The following DNAAF9 variants were observed in gnomAD, a reference collection of about 807,000 sequenced individuals.
DNAAF9 encodes the protein shulin.
A neutral mutation model predicts 167.0 loss-of-function variants in DNAAF9; 90 were observed. The ratio of observed to expected loss-of-function variants is 0.54; its 90% CI spans 0.45 to 0.64. DNAAF9 has a LOEUF of 0.64. Ranked by LOEUF, DNAAF9 falls within the 30% of genes least tolerant of loss-of-function variation. The pLI, the probability that DNAAF9 is intolerant of heterozygous loss-of-function variation, is 0.00. For missense variants in DNAAF9, 1,315 were observed against 1,442.2 expected (o/e 0.91, Z 1.43); for synonymous variants, 491 against 508.8 (o/e 0.96, Z 0.47).
chr20:3,278,443 A>G (rs529411009), intron 29 of DNAAF9, among the ~76,000 whole-genome samples: 19 of 152,318 alleles, frequency 1.2e-4, no homozygotes, highest in African/African-American at 4.3e-4. Flanking sequence ...AGCTCAGGCC[A>G]GGCGCCGTGG....
At chr20:3,253,685 T>C (rs1314919453) in intron 36 of DNAAF9, 41 bp downstream of exon 36, 2 of 1,231,280 alleles carry the variant, frequency 1.6e-6, no homozygotes, top group Non-Finnish European at 1.2e-6. Context: ...CCAGCCTCAC[T>C]GCCCGGGTTC....
At chr20:3,289,750 G>C (rs751309488) in intron 26 of DNAAF9, among the ~76,000 whole-genome samples, 2 of 152,052 alleles carry the variant, frequency 1.3e-5, no homozygotes, top group Admixed American at 6.5e-5. Flanking sequence ...GGTCTCAGGC[G>C]ATCTACCCAC....
chr20:3,259,338 C>A, intron 33 of DNAAF9, 142 bp downstream of exon 33: 1 of 686,420 alleles, frequency 1.5e-6, no homozygotes, highest in Non-Finnish European at 2.7e-6. Flanking sequence ...AGCCTGATGG[C>A]GTGAAGGCCC....
intron 18 of DNAAF9, chr20:3,316,002 G>A (rs1182650374): frequency 3.4e-6 from 2 of 590,532 alleles, no homozygotes; most frequent in Non-Finnish European, 6.0e-6. Context: ...TAGGACCTGA[G>A]GTCCAGCTAA....
At chr20:3,259,791 CCT>C in intron 32 of DNAAF9, 129 bp downstream of exon 32, 5 of 682,676 alleles carry the variant, frequency 7.3e-6, no homozygotes, top group Non-Finnish European at 1.3e-5. Context: ...TCCTCAAATC[CCT>C]CTGTCTACTT....
chr20:3,346,521 A>C (rs1040077887), intron 8 of DNAAF9, among the ~76,000 whole-genome samples: 1 of 152,188 alleles, frequency 6.6e-6, no homozygotes, highest in Non-Finnish European at 1.5e-5. Flanking sequence ...TTGTTAAGAA[A>C]ACAAAGAAAA....
At position 3,407,667 on chromosome 20, in the gene DNAAF9, G is replaced by A. The variant is rs2084085000; in HGVS notation, c.-110C>T. The A allele has an allele frequency of 7.5e-6, 8 of 1,063,086 alleles. No homozygotes were observed. Among genetic ancestry groups the A allele is most frequent in the Non-Finnish European group, 6.8e-6 (6 of 877,308 alleles). 65.9% of individuals were successfully genotyped at this position (1,063,086 alleles called of 1,614,324 possible). A position where few individuals can be genotyped will look rare whatever the true frequency, so the allele number is the denominator to read the frequency against. ...CCGGGCGGGGCGGCAGGGCGTGCCG[G>A]GTGGGAGGGGGCGCGGCGCGCGGGC... On this transcript the variant is annotated 5_prime_UTR_variant, in exon 1 of 37. Transcript: ENST00000252032.
At chr20:3,343,885 CAGAG>C (rs1270976928) in intron 8 of DNAAF9, among the ~76,000 whole-genome samples, 154 bp from the exon 9 acceptor site, 65 of 151,382 alleles carry the variant, frequency 4.3e-4, no homozygotes, top group Non-Finnish European at 7.4e-5. Flanking sequence ...GTGTGTGTGA[CAGAG>C]AGAGCTACAG....
intron 36 of DNAAF9, 125 bp downstream of exon 36, chr20:3,253,601 A>G (rs1568557743): frequency 2.9e-6 from 2 of 679,402 alleles, no homozygotes; most frequent in East Asian, 2.6e-5. Flanking sequence ...CCATCAGTGG[A>G]CATGCAGAGT....
At chr20:3,266,362 T>A (rs2068490024) in intron 30 of DNAAF9, among the ~76,000 whole-genome samples, 1 of 152,236 alleles carries the variant, frequency 6.6e-6, no homozygotes, top group African/African-American at 2.4e-5. Flanking sequence ...TAGTAATATT[T>A]TTTTTCTTCA....
chr20:3,376,631 C>T (rs1272955867), intron 3 of DNAAF9, among the ~76,000 whole-genome samples: 1 of 152,224 alleles, frequency 6.6e-6, no homozygotes, highest in African/African-American at 2.4e-5. Context: ...CAGACATCAA[C>T]CAACACATGT....
rs1216601788 is a variant in DNAAF9, at chr20:3,344,086, GAC to G, written c.790-357_790-356del. On this transcript the variant is annotated intron_variant, in intron 8 of 36. Coordinates refer to ENST00000252032, the MANE Select transcript of DNAAF9 (RefSeq NM_001009984.3). ...TACAGTGTTTACTGCAAGAAAATTG[GAC>G]CAATCACCATCTATGGTCCAAGTTG... is the stretch of plus-strand genomic sequence containing the variant. 2.0e-5 allele frequency among the ~76,000 whole-genome samples: 3 copies of G among 152,174 alleles called. No homozygotes were observed. In the East Asian group the frequency reaches 5.8e-4, roughly 29 times the overall value.
rs769391848 is a variant in DNAAF9, at chr20:3,382,497, T to C, written c.93A>G (p.Arg31=). The change falls in exon 2 of 37, where the codon CGA becomes CGG. Residue 31 remains arginine (R), a synonymous_variant. Coordinates refer to ENST00000252032, the MANE Select transcript of DNAAF9 (RefSeq NM_001009984.3). ...TCAGGATGCTCTGAACCTGCCGAAG[T>C]CGACTGCAGCTGCAACAAGAACAGA... The part of the protein sequence containing the change: ...SRGSPSVSCS[R]LRQVQSILTQ... 1.2e-6 allele frequency: 2 copies of C among 1,613,666 alleles called. No homozygotes were observed. Among genetic ancestry groups the C allele is most frequent in the Non-Finnish European group, 1.7e-6 (2 of 1,179,666 alleles).
rs187575141 is a variant in DNAAF9 at position 3,249,594 on chromosome 20, C to T, written c.*2978G>A. 1.1e-4 allele frequency: 17 copies of T among 152,276 alleles called. 1 individual carries two copies. The highest frequency in any genetic ancestry group is 2.1e-4 in the South Asian group (1 of 4,824). The allele number at this position is 152,276 out of a possible 1,614,324, so 9.4% of individuals were successfully genotyped here. On this transcript the variant is annotated 3_prime_UTR_variant, in exon 37 of 37. Transcript: ENST00000252032. The stretch of plus-strand genomic sequence containing the variant: ...ACTAGTATAAAAGTGAATTTTGGCA[C>T]GTAAGTGAGCTCTTATGTCATTAGT...
At chr20:3,314,570 A>T (rs1209438016) in intron 20 of DNAAF9, among the ~76,000 whole-genome samples, 1 of 152,190 alleles carries the variant, frequency 6.6e-6, no homozygotes, top group Non-Finnish European at 1.5e-5. Context: ...GAGGCTCTAG[A>T]TAAGAGCCTA....
intron 20 of DNAAF9, among the ~76,000 whole-genome samples, chr20:3,307,478 G>A (rs548081870): frequency 6.6e-6 from 1 of 152,000 alleles, no homozygotes; most frequent in African/African-American, 2.4e-5. Context: ...TCTGGTATCT[G>A]CTCTGGACTC....
chr20:3,404,921 T>A (rs930974420), intron 1 of DNAAF9, among the ~76,000 whole-genome samples: 1 of 152,212 alleles, frequency 6.6e-6, no homozygotes, highest in Non-Finnish European at 1.5e-5. Flanking sequence ...TCAACCTACC[T>A]GTCAAGCATA....
In DNAAF9 at chr20:3,340,525, G is replaced by A. The variant is rs191727452; in HGVS notation, c.960C>T (p.Gly320=). The change falls in exon 10 of 37, where the codon GGC becomes GGT. Residue 320 remains glycine, a synonymous_variant. Transcript: ENST00000252032. The part of the protein sequence containing the change: ...EGHLVRSTGP[G]GSFAKHMVAQ... Reference sequence around the variant, plus strand: ...TTACCATGTGCTTGGCAAAGCTCCCGCCGGGACCAGTGCTTCGTACCAGAT... The same window carrying A: ...TTACCATGTGCTTGGCAAAGCTCCCACCGGGACCAGTGCTTCGTACCAGAT... 15 of 1,509,046 alleles carry A rather than the reference G, an allele frequency of 9.9e-6. No individual in the cohort carries two copies. The African/African-American group carries it at 1.2e-4, about 12-fold the overall frequency. 93.5% of individuals were successfully genotyped at this position (1,509,046 alleles called of 1,614,324 possible). A position where few individuals can be genotyped will look rare whatever the true frequency, so the allele number is the denominator to read the frequency against.
intron 28 of DNAAF9, 65 bp from the exon 29 acceptor site, chr20:3,279,014 C>A: frequency 8.3e-7 from 1 of 1,204,512 alleles, no homozygotes; most frequent in South Asian, 1.3e-5. Context: ...TGATTATTTC[C>A]CATACAAATA....
Sources: gnomAD v4.1 joint callset for allele counts (sites outside exome capture counted in the v4.1 genomes callset) on GRCh38, gnomAD v4.1.1 for gene constraint, MANE v1.5 for transcripts, NCBI Gene and HGNC (gene_info 2026-07-23, HGNC 2026-07-21) for gene names.